The following RTKN2 variants were observed in gnomAD, a reference collection of about 807,000 sequenced individuals.
RTKN2 encodes the protein rhotekin 2.
RTKN2 carries 69 observed loss-of-function variants against 71.5 expected under a neutral mutation model. That is an observed-to-expected ratio of 0.96 (90% confidence interval 0.79 to 1.18). The LOEUF is 1.18. Ranked by LOEUF, RTKN2 falls within the 50% of genes most tolerant of loss-of-function variation. The pLI is 0.00. For missense variants in RTKN2, 724 were observed against 719.7 expected (o/e 1.01, Z -0.07); for synonymous variants, 236 against 236.5 (o/e 1.00, Z 0.02).
chr10:62,210,074 C>T (rs1841629152), intron 9 of RTKN2, among the ~76,000 whole-genome samples: 1 of 152,102 alleles, frequency 6.6e-6, no homozygotes, highest in Non-Finnish European at 1.5e-5. Flanking sequence ...ATTTACACCC[C>T]CACCAACAAT....
At chr10:62,231,315 C>A (rs1456339469) in intron 6 of RTKN2, among the ~76,000 whole-genome samples, 2 of 152,100 alleles carry the variant, frequency 1.3e-5, no homozygotes, top group African/African-American at 4.8e-5. Context: ...ATTAGATGCA[C>A]TGGGAAAATC....
chr10:62,218,017 C>A (rs1841814022), intron 8 of RTKN2, among the ~76,000 whole-genome samples, 178 bp downstream of exon 8: 1 of 152,180 alleles, frequency 6.6e-6, no homozygotes, highest in African/African-American at 2.4e-5. Flanking sequence ...TCCCTCCCTA[C>A]CTTGTCATTC....
At chr10:62,249,571 T>C (rs1235433904) in intron 2 of RTKN2, among the ~76,000 whole-genome samples, 1 of 152,148 alleles carries the variant, frequency 6.6e-6, no homozygotes, top group African/African-American at 2.4e-5. Flanking sequence ...GACTGTTAAA[T>C]GAAATGAAGT....
chr10:62,252,899 C>T (rs889146936), intron 2 of RTKN2, among the ~76,000 whole-genome samples: 2 of 151,954 alleles, frequency 1.3e-5, no homozygotes, highest in Non-Finnish European at 2.9e-5. Context: ...ACTACTATGA[C>T]TTATAAAATG....
At chr10:62,236,992 T>C (rs1177514614) in intron 5 of RTKN2, among the ~76,000 whole-genome samples, 3 of 151,552 alleles carry the variant, frequency 2.0e-5, no homozygotes, top group South Asian at 2.1e-4. Flanking sequence ...AATGGGGAGA[T>C]ATAGGTCAAA....
Position 62,196,195 on chromosome 10 carries a change from T to C in RTKN2, c.*1713A>G. On this transcript the variant is annotated 3_prime_UTR_variant, in exon 12 of 12. Transcript: ENST00000373789. ...AATAACCCAAAAATTCAAACAATAA[T>C]ATCCTTTAGATTTTTAATGTCATTT... 1 of 975,892 alleles carries C rather than the reference T, an allele frequency of 1.0e-6. No individual in the cohort carries two copies. Among genetic ancestry groups the C allele is most frequent in the Non-Finnish European group, 1.2e-6 (1 of 821,298 alleles). The allele number at this position is 975,892 out of a possible 1,614,324, so 60.5% of individuals were successfully genotyped here. A position where few individuals can be genotyped will look rare whatever the true frequency, so the allele number is the denominator to read the frequency against.
chr10:62,222,159 C>CA (rs1441238385), intron 7 of RTKN2, among the ~76,000 whole-genome samples: 29 of 152,122 alleles, frequency 1.9e-4, no homozygotes, highest in Non-Finnish European at 1.2e-4. Flanking sequence ...CCCAGGCTGG[C>CA]GAACAATGGT....
At chr10:62,251,251 A>C (rs192117173) in intron 2 of RTKN2, among the ~76,000 whole-genome samples, 166 of 152,334 alleles carry the variant, frequency 1.1e-3, no homozygotes, top group African/African-American at 3.9e-3. Context: ...ACACATTTGC[A>C]TAGCTTTTAT....
chr10:62,211,126 T>G (rs1453888353), intron 9 of RTKN2, among the ~76,000 whole-genome samples: 1 of 152,186 alleles, frequency 6.6e-6, no homozygotes, highest in East Asian at 1.9e-4. Flanking sequence ...GTCACACCCC[T>G]CACCATATTG....
At chr10:62,213,495 A>G (rs1006299179) in intron 9 of RTKN2, among the ~76,000 whole-genome samples, 1 of 152,194 alleles carries the variant, frequency 6.6e-6, no homozygotes, top group Non-Finnish European at 1.5e-5. Context: ...TGGACTGAAG[A>G]CCTGAGCTAA....
intron 2 of RTKN2, among the ~76,000 whole-genome samples, chr10:62,259,526 A>G (rs1842735012): frequency 6.6e-6 from 1 of 152,082 alleles, no homozygotes. Flanking sequence ...TGAATAATTC[A>G]TATTTATTTT....
In RTKN2 at chr10:62,217,110, T is replaced by A; in HGVS notation, c.1020+8A>T. ...TATATTTTTTTCTCAAAATAGCATT[T>A]CCTTTACCTTGTTAATGGGTACTAC... On this transcript the variant is annotated splice_region_variant and intron_variant, in intron 9 of 11. Coordinates refer to ENST00000373789, the MANE Select transcript of RTKN2 (RefSeq NM_145307.4). The A allele has an allele frequency of 6.4e-7, 1 of 1,551,974 alleles. No homozygotes were observed. The highest frequency in any genetic ancestry group is 8.7e-7 in the Non-Finnish European group (1 of 1,155,128).
At position 62,245,346 on chromosome 10, in the gene RTKN2, G is replaced by T. The variant is rs180747963; in HGVS notation, c.316+653C>A. ...AATGTAGTTATTTCACAAGCTAATTGGGTGTCAGAAGCATGGGTTATGTTG... is the reference window on the plus strand; with the variant it reads ...AATGTAGTTATTTCACAAGCTAATTTGGTGTCAGAAGCATGGGTTATGTTG... On this transcript the variant is annotated intron_variant, in intron 3 of 11. Coordinates refer to ENST00000373789, the MANE Select transcript of RTKN2 (RefSeq NM_145307.4). Among the ~76,000 whole-genome samples, 22 of 152,214 alleles carry T rather than the reference G, an allele frequency of 1.4e-4. No homozygotes were observed. In the East Asian group the frequency reaches 3.9e-3, roughly 27 times the overall value.
Position 62,259,786 on chromosome 10 carries a change from A to C in RTKN2, c.257+2839T>G, listed in dbSNP as rs544902285. ...AAGCTGATCTCGAACTCCTGAGCTC[A>C]AGCAATCTGACCACCTTGGCCTCTC... On this transcript the variant is annotated intron_variant, in intron 2 of 11. Transcript: ENST00000373789. Among the ~76,000 whole-genome samples the C allele has an allele frequency of 3.3e-5, 5 of 152,238 alleles. No homozygotes were observed. The East Asian group carries it at 9.7e-4, about 29-fold the overall frequency.
chr10:62,254,202 G>C (rs1468268791), intron 2 of RTKN2, among the ~76,000 whole-genome samples: 1 of 152,192 alleles, frequency 6.6e-6, no homozygotes, highest in Non-Finnish European at 1.5e-5. Flanking sequence ...CCCAGTGCTG[G>C]GGGAGAGACC....
intron 2 of RTKN2, among the ~76,000 whole-genome samples, chr10:62,248,711 G>T (rs1842522741): frequency 6.6e-6 from 1 of 152,118 alleles, no homozygotes; most frequent in South Asian, 2.1e-4. Context: ...ATGACCAAAA[G>T]AGGGTGCCAA....
intron 2 of RTKN2, among the ~76,000 whole-genome samples, chr10:62,252,219 G>A (rs1842594553): frequency 6.6e-6 from 1 of 151,904 alleles, no homozygotes; most frequent in South Asian, 2.1e-4. Context: ...TCAGTCTCCA[G>A]GCAAAAAGTC....
chr10:62,262,718 ACTG>A lies in RTKN2; in HGVS notation c.161_163del (p.Ala54del). On this transcript the variant is annotated inframe_deletion, in exon 2 of 12. Coordinates refer to ENST00000373789, the MANE Select transcript of RTKN2 (RefSeq NM_145307.4). ...AGCATTGCACACCATGAGATTCTTA[ACTG>A]CATGTAAAACTTGATCTTTCTGAGT... 1 of 1,613,464 alleles carries A rather than the reference ACTG, an allele frequency of 6.2e-7. No individual in the cohort carries two copies. Among genetic ancestry groups the A allele is most frequent in the East Asian group, 2.2e-5 (1 of 44,852 alleles).
rs533128662 is a variant in RTKN2, at chr10:62,208,066, TAG to T, written c.1021-3046_1021-3045del. Among the ~76,000 whole-genome samples, 362 of 152,266 alleles carry T rather than the reference TAG, an allele frequency of 2.4e-3. 4 individuals carry two copies. In the South Asian group the frequency reaches 0.034, roughly 14 times the overall value. On this transcript the variant is annotated intron_variant, in intron 9 of 11. Transcript: ENST00000373789. Reference sequence around the variant, plus strand: ...CACTCCATGAGATGGTGTTGTTACCTAGAGAATGCCAAGTGAAGTCAATAAAA... The same window carrying T: ...CACTCCATGAGATGGTGTTGTTACCTAGAATGCCAAGTGAAGTCAATAAAA...
Sources: gnomAD v4.1 joint callset for allele counts (sites outside exome capture counted in the v4.1 genomes callset) on GRCh38, gnomAD v4.1.1 for gene constraint, MANE v1.5 for transcripts, NCBI Gene and HGNC (gene_info 2026-07-23, HGNC 2026-07-21) for gene names.